PEPD: variants seen among roughly 807,000 people sequenced by gnomAD.
The protein encoded by PEPD is peptidase D.
A neutral mutation model predicts 60.7 loss-of-function variants in PEPD; 53 were observed. The observed-to-expected ratio is 0.87, with a 90% CI of 0.70 to 1.10. The LOEUF (loss-of-function observed/expected upper bound fraction) is 1.10, where lower values mean the gene tolerates loss of function less well. PEPD is among the 50% of genes least tolerant of loss of function. PEPD has a pLI of 0.00. For missense variants in PEPD, 711 were observed against 711.9 expected (o/e 1.00, Z 0.01); for synonymous variants, 267 against 284.1 (o/e 0.94, Z 0.60).
At chr19:33,481,737 A>G (rs893639598) in intron 6 of PEPD, among the ~76,000 whole-genome samples, 13 of 152,148 alleles carry the variant, frequency 8.5e-5, no homozygotes. Flanking sequence ...ATAAACTCTT[A>G]CCAGAAAAGG....
intron 9 of PEPD, among the ~76,000 whole-genome samples, chr19:33,416,621 C>T (rs1968897030): frequency 6.6e-6 from 1 of 152,224 alleles, no homozygotes; most frequent in Admixed American, 6.5e-5. Flanking sequence ...CAGGGAGGGG[C>T]TTCCTGATTG....
chr19:33,401,931 C>T lies in PEPD; in HGVS notation c.819-62G>A, dbSNP rs964706863. ...GGTGCCACCGCCCCCTTACCCTTAC[C>T]GCTCCCCACCTGCCCTGGACTCGAG... On this transcript the variant is annotated intron_variant, in intron 11 of 14. Coordinates refer to ENST00000244137, the MANE Select transcript of PEPD (RefSeq NM_000285.4). 1.9e-5 allele frequency: 29 copies of T among 1,524,574 alleles called. No individual in the cohort carries two copies. In the East Asian group the frequency reaches 4.2e-4, roughly 22 times the overall value. The allele number at this position is 1,524,574 out of a possible 1,614,324, so 94.4% of individuals were successfully genotyped here.
chr19:33,410,195 G>A (rs1333695816), intron 11 of PEPD, among the ~76,000 whole-genome samples: 1 of 152,208 alleles, frequency 6.6e-6, no homozygotes, highest in Non-Finnish European at 1.5e-5. Context: ...TCAACCTGCC[G>A]TGTTCCTAAC....
At chr19:33,422,814 T>C (rs762451599) in intron 9 of PEPD, among the ~76,000 whole-genome samples, 39 of 75,170 alleles carry the variant, frequency 5.2e-4, no homozygotes, top group Non-Finnish European at 9.8e-4. Flanking sequence ...CCATCCATCC[T>C]TCTATATCTA....
At chr19:33,499,780 G>A (rs957866725) in intron 4 of PEPD, among the ~76,000 whole-genome samples, 9 of 152,196 alleles carry the variant, frequency 5.9e-5, no homozygotes, top group African/African-American at 2.2e-4. Flanking sequence ...CAGTACCGGG[G>A]GCAGGGCTGG....
chr19:33,448,054 A>G (rs540758259), intron 9 of PEPD, among the ~76,000 whole-genome samples: 1 of 152,340 alleles, frequency 6.6e-6, no homozygotes, highest in East Asian at 1.9e-4. Flanking sequence ...GTATGGAGAC[A>G]GCCCTTCCTG....
At chr19:33,418,770 C>T (rs1328166952) in intron 9 of PEPD, among the ~76,000 whole-genome samples, 4 of 152,160 alleles carry the variant, frequency 2.6e-5, no homozygotes, top group Admixed American at 2.0e-4. Context: ...CCCAGCATGA[C>T]GACAAACACA....
At chr19:33,474,030 AC>A (rs1250589426) in intron 7 of PEPD, among the ~76,000 whole-genome samples, 1 of 152,224 alleles carries the variant, frequency 6.6e-6, no homozygotes, top group East Asian at 1.9e-4. Context: ...CTCCTGAGGA[AC>A]CCTGTGTCCC....
At chr19:33,521,107 C>T (rs1276872976) in intron 1 of PEPD, among the ~76,000 whole-genome samples, 2 of 152,242 alleles carry the variant, frequency 1.3e-5, no homozygotes, top group African/African-American at 4.8e-5. Context: ...ACTCAGCTTT[C>T]TTTCATTTAG....
chr19:33,457,356 G>A (rs922443998), intron 9 of PEPD, among the ~76,000 whole-genome samples: 6 of 152,098 alleles, frequency 3.9e-5, no homozygotes, highest in African/African-American at 1.2e-4. Context: ...ACTTGAGCCC[G>A]GGAGGCAGAG....
chr19:33,485,457 C>T (rs558169110), intron 6 of PEPD, among the ~76,000 whole-genome samples: 54 of 147,066 alleles, frequency 3.7e-4, no homozygotes, highest in Non-Finnish European at 6.8e-4. Flanking sequence ...CGTGCCACTG[C>T]ACTCCAGCCT....
At chr19:33,453,518 T>C (rs78965989) in intron 9 of PEPD, among the ~76,000 whole-genome samples, 12,418 of 152,260 alleles carry the variant, frequency 0.082, 703 homozygotes, top group Admixed American at 0.17. Context: ...ACAGCATGTG[T>C]TCACTTTGTG....
chr19:33,445,927 A>G (rs1260478679), intron 9 of PEPD, among the ~76,000 whole-genome samples: 1 of 152,106 alleles, frequency 6.6e-6, no homozygotes. Context: ...GGCCTGAATT[A>G]TTCCCCGTGG....
intron 1 of PEPD, among the ~76,000 whole-genome samples, chr19:33,517,721 C>A (rs1488859466): frequency 6.6e-6 from 1 of 151,822 alleles, no homozygotes; most frequent in Non-Finnish European, 1.5e-5. Flanking sequence ...AATACCAGCA[C>A]TTGGGGAGGC....
At chr19:33,439,430 A>C (rs74594170) in intron 9 of PEPD, among the ~76,000 whole-genome samples, 1,695 of 152,292 alleles carry the variant, frequency 0.011, 25 homozygotes, top group South Asian at 0.071. Flanking sequence ...GGCGGGTCCG[A>C]GTAAAGACTC....
At position 33,509,159 on chromosome 19, in the gene PEPD, T is replaced by C. The variant is rs150783726; in HGVS notation, c.329+1869A>G. On this transcript the variant is annotated intron_variant, in intron 3 of 14. Coordinates refer to ENST00000244137, the MANE Select transcript of PEPD (RefSeq NM_000285.4). ...GCAGTCATAAGGATTCCACCGGGAA[T>C]GGGATAAAGGTCGACAATAAAGATC... Among the ~76,000 whole-genome samples, 9 of 152,236 alleles carry C rather than the reference T, an allele frequency of 5.9e-5. No individual in the cohort carries two copies. In the East Asian group the frequency reaches 9.7e-4, roughly 16 times the overall value.
rs972589532 is a variant in PEPD, at chr19:33,396,632, C to G, written c.967+5089G>C. 3.1e-5 allele frequency among the ~76,000 whole-genome samples: 3 copies of G among 95,838 alleles called. No homozygotes were observed. In the East Asian group the frequency reaches 1.1e-3, roughly 36 times the overall value. The allele number at this position is 95,838 out of a possible 152,430, so 62.9% of individuals were successfully genotyped here. A position where few individuals can be genotyped will look rare whatever the true frequency, so the allele number is the denominator to read the frequency against. On this transcript the variant is annotated intron_variant, in intron 12 of 14. Transcript: ENST00000244137. ...CTGTTCCAGGTTGATAGGAGCTGGG[C>G]CCCCAGTGACAGGGGCACAGGAGGC...
Position 33,512,607 on chromosome 19 carries a change from C to T in PEPD, c.187G>A (p.Val63Ile), listed in dbSNP as rs778585918. The T allele has an allele frequency of 1.2e-6, 2 of 1,613,754 alleles. No individual in the cohort carries two copies. Among genetic ancestry groups the T allele is most frequent in the Non-Finnish European group, 1.7e-6 (2 of 1,179,936 alleles). The change falls in exon 2 of 15, where the codon GTC (valine) becomes ATC (isoleucine). Residue 63 changes from valine to isoleucine, a missense_variant. Transcript: ENST00000244137. ...ETQRYCTDTG[V>I]LFRQESFFHW... ...GGGAGGCTCACCTGGCGGAAGAGGA[C>T]CCCGGTGTCGGTGCAGTAGCGCTGA...
At chr19:33,432,656 T>G (rs776529363) in intron 9 of PEPD, among the ~76,000 whole-genome samples, 22 of 152,240 alleles carry the variant, frequency 1.4e-4, no homozygotes, top group Non-Finnish European at 3.1e-4. Flanking sequence ...CCTGCTGCCA[T>G]GAACAGATCC....
Sources: allele counts gnomAD v4.1 joint callset (sites outside exome capture counted in the v4.1 genomes callset), GRCh38; gene constraint gnomAD v4.1.1; transcripts MANE v1.5; gene names NCBI Gene and HGNC (gene_info 2026-07-23, HGNC 2026-07-21).